Variants in GRIN2A observed in about 807,000 individuals in gnomAD.
GRIN2A encodes the protein glutamate receptor ionotropic, NMDA 2A.
GRIN2A carries 22 observed loss-of-function variants against 113.4 expected under a neutral mutation model. That is an observed-to-expected ratio of 0.19 (90% CI 0.14 to 0.28). The LOEUF is 0.28. Among genes scored for constraint, GRIN2A ranks in the 10% least tolerant of loss-of-function variants. GRIN2A has a pLI of 1.00. For synonymous variants in GRIN2A, 827 were observed against 738.4 expected (o/e 1.12, Z -1.94); for missense variants, 1,502 against 1,887.0 (o/e 0.80, Z 3.78).
intron 2 of GRIN2A, among the ~76,000 whole-genome samples, chr16:10,105,591 A>G (rs922711059): frequency 2.6e-5 from 4 of 152,204 alleles, no homozygotes; most frequent in Admixed American, 6.5e-5. Flanking sequence ...TTTTAATAAC[A>G]TAAGAATTCC....
At chr16:9,832,615 C>T (rs1014887814) in intron 8 of GRIN2A, among the ~76,000 whole-genome samples, 8 of 151,962 alleles carry the variant, frequency 5.3e-5, no homozygotes, top group African/African-American at 1.7e-4. Flanking sequence ...GCACGTAGTA[C>T]CCATTTGATA....
In GRIN2A at chr16:9,826,468, T is replaced by G. The variant is rs182041803; in HGVS notation, c.2007+2955A>C. On this transcript the variant is annotated intron_variant, in intron 9 of 12. Coordinates refer to ENST00000330684, the MANE Select transcript of GRIN2A (RefSeq NM_001134407.3). ...AATATGATTATTTCACAGCAAGCAC[T>G]AATGGCTTAAAAGCATTGTAAACCT... 2.6e-5 allele frequency among the ~76,000 whole-genome samples: 4 copies of G among 152,306 alleles called. No homozygotes were observed. In the East Asian group the frequency reaches 7.7e-4, roughly 29 times the overall value.
intron 8 of GRIN2A, among the ~76,000 whole-genome samples, chr16:9,833,189 T>C (rs913292555): frequency 6.6e-6 from 1 of 152,208 alleles, no homozygotes; most frequent in Non-Finnish European, 1.5e-5. Context: ...AGTGGGATCC[T>C]TTTAATGAGT....
rs376378257 is a variant in GRIN2A at position 9,912,693 on chromosome 16, G to A, written c.1008-21593C>T. Among the ~76,000 whole-genome samples, 121 of 152,234 alleles carry A rather than the reference G, an allele frequency of 7.9e-4. 2 individuals carry two copies. Among genetic ancestry groups the A allele is most frequent in the East Asian group, 4.2e-3 (22 of 5,190 alleles). On this transcript the variant is annotated intron_variant, in intron 3 of 12. Transcript: ENST00000330684. The stretch of plus-strand genomic sequence containing the variant: ...AAATACTCATATGGAGTATCTCTGC[G>A]TATTAAAAGGGCAATATGCACAAAA...
At chr16:9,966,628 G>A (rs971566480) in intron 2 of GRIN2A, among the ~76,000 whole-genome samples, 3 of 152,000 alleles carry the variant, frequency 2.0e-5, no homozygotes, top group Admixed American at 1.3e-4. Context: ...TATTCCTTTC[G>A]GTATATACCT....
intron 2 of GRIN2A, among the ~76,000 whole-genome samples, chr16:10,072,147 G>C (rs778316801): frequency 1.3e-5 from 2 of 152,176 alleles, no homozygotes; most frequent in Non-Finnish European, 2.9e-5. Context: ...TTTCACCATC[G>C]TGAGAGTGAG....
chr16:9,814,338 A>T (rs1304814645), intron 10 of GRIN2A, among the ~76,000 whole-genome samples: 1 of 152,214 alleles, frequency 6.6e-6, no homozygotes, highest in Non-Finnish European at 1.5e-5. Context: ...CCTATTGGGT[A>T]ATTAGGTTAA....
chr16:10,075,733 A>G (rs60276136), intron 2 of GRIN2A, among the ~76,000 whole-genome samples: 22,159 of 152,132 alleles, frequency 0.15, 2,288 homozygotes, highest in African/African-American at 0.29. Context: ...ATTCTGTACT[A>G]GGAATTTCTC....
intron 4 of GRIN2A, among the ~76,000 whole-genome samples, chr16:9,879,001 A>T (rs546608398): frequency 6.6e-6 from 1 of 152,170 alleles, no homozygotes; most frequent in Non-Finnish European, 1.5e-5. Context: ...GTACTGTGTG[A>T]GTATTTAAAA....
intron 2 of GRIN2A, among the ~76,000 whole-genome samples, chr16:9,962,834 C>T (rs146613826): frequency 3.6e-4 from 55 of 152,088 alleles, no homozygotes; most frequent in African/African-American, 1.0e-3. Context: ...ATGTTTACTG[C>T]GGCACTATTC....
intron 3 of GRIN2A, among the ~76,000 whole-genome samples, chr16:9,936,765 A>G (rs1010904256): frequency 2.6e-5 from 4 of 152,216 alleles, no homozygotes; most frequent in Admixed American, 1.3e-4. Context: ...TACTTAGAAT[A>G]TAAGAAGGGA....
intron 11 of GRIN2A, among the ~76,000 whole-genome samples, chr16:9,792,165 C>G (rs1902648741): frequency 6.6e-6 from 1 of 151,906 alleles, no homozygotes; most frequent in Admixed American, 6.6e-5. Flanking sequence ...ACTGGGGTCA[C>G]TCACTAGTTT....
chr16:10,073,635 C>T (rs2047804294), intron 2 of GRIN2A, among the ~76,000 whole-genome samples: 3 of 152,022 alleles, frequency 2.0e-5, no homozygotes, highest in South Asian at 2.1e-4. Flanking sequence ...AAATATTAGA[C>T]ATCCTTCACC....
chr16:10,181,415 G>C (rs1356088839), intron 1 of GRIN2A, among the ~76,000 whole-genome samples: 4 of 152,200 alleles, frequency 2.6e-5, no homozygotes, highest in African/African-American at 9.6e-5. Context: ...TGCGGGCGCT[G>C]TTGCCAAGTC....
chr16:10,017,736 C>A (rs1036985179), intron 2 of GRIN2A, among the ~76,000 whole-genome samples: 1 of 152,006 alleles, frequency 6.6e-6, no homozygotes, highest in African/African-American at 2.4e-5. Flanking sequence ...TTGGGTGCAA[C>A]ATTTAAGAGG....
chr16:9,790,929 T>C (rs1440355649), intron 11 of GRIN2A, among the ~76,000 whole-genome samples: 3 of 152,188 alleles, frequency 2.0e-5, no homozygotes, highest in Non-Finnish European at 4.4e-5. Flanking sequence ...GAGGAATCTA[T>C]AATGCAGTGC....
chr16:10,158,532 T>C (rs921789514), intron 2 of GRIN2A, among the ~76,000 whole-genome samples: 3 of 152,240 alleles, frequency 2.0e-5, no homozygotes, highest in Non-Finnish European at 4.4e-5. Flanking sequence ...TGCCCATCAA[T>C]GGTTGAATAG....
chr16:9,810,114 G>C, intron 10 of GRIN2A, among the ~76,000 whole-genome samples: 1 of 152,168 alleles, frequency 6.6e-6, no homozygotes, highest in Non-Finnish European at 1.5e-5. Context: ...CTAAACAACT[G>C]AGACCAGGAG....
intron 3 of GRIN2A, among the ~76,000 whole-genome samples, chr16:9,919,473 T>C (rs1333078012): frequency 1.3e-5 from 2 of 152,178 alleles, no homozygotes; most frequent in Non-Finnish European, 2.9e-5. Flanking sequence ...GGGATTATTC[T>C]GATTAGCTGT....
Sources: allele counts gnomAD v4.1 joint callset (sites outside exome capture counted in the v4.1 genomes callset), GRCh38; gene constraint gnomAD v4.1.1; transcripts MANE v1.5; gene names NCBI Gene and HGNC (gene_info 2026-07-23, HGNC 2026-07-21).